MEI4: variants seen among roughly 807,000 people sequenced by gnomAD.
The protein encoded by MEI4 is meiotic double-stranded break formation protein 4.
A neutral mutation model predicts 31.4 loss-of-function variants in MEI4; 27 were observed. The ratio of observed to expected loss-of-function variants is 0.86; its 90% CI spans 0.63 to 1.19. MEI4 has a LOEUF of 1.19. Among genes scored for constraint, MEI4 ranks in the 50% most tolerant of loss-of-function variants. MEI4 has a pLI of 0.00. For synonymous variants in MEI4, 122 were observed against 145.4 expected (o/e 0.84, Z 1.16); for missense variants, 329 against 398.9 (o/e 0.82, Z 1.49).
At chr6:77,737,403 G>A (rs1199964610) in intron 2 of MEI4, among the ~76,000 whole-genome samples, 5 of 151,958 alleles carry the variant, frequency 3.3e-5, no homozygotes, top group African/African-American at 9.7e-5. Flanking sequence ...ATTTTTAGTT[G>A]TTCTGAAATA....
At chr6:77,742,218 C>A (rs891595906) in intron 2 of MEI4, among the ~76,000 whole-genome samples, 26 of 151,850 alleles carry the variant, frequency 1.7e-4, no homozygotes, top group African/African-American at 5.8e-4. Context: ...AAGGGTTGAA[C>A]TAGTTTACAG....
chr6:77,677,475 C>T (rs1768865956), intron 1 of MEI4, among the ~76,000 whole-genome samples: 1 of 152,180 alleles, frequency 6.6e-6, no homozygotes, highest in African/African-American at 2.4e-5. Flanking sequence ...TCTTTTCTTC[C>T]CTAGTATAGT....
At chr6:77,895,804 C>G (rs148893701) in intron 4 of MEI4, among the ~76,000 whole-genome samples, 42 of 152,180 alleles carry the variant, frequency 2.8e-4, no homozygotes, top group Non-Finnish European at 4.6e-4. Flanking sequence ...CAGACAGACA[C>G]GTAAAGTTTT....
chr6:77,701,161 T>C (rs1157132335), intron 2 of MEI4, among the ~76,000 whole-genome samples: 1 of 152,166 alleles, frequency 6.6e-6, no homozygotes, highest in Admixed American at 6.5e-5. Flanking sequence ...AATTTATTTT[T>C]ATTAATTTAT....
intron 2 of MEI4, among the ~76,000 whole-genome samples, chr6:77,753,039 G>A (rs999764968): frequency 1.3e-5 from 2 of 152,116 alleles, no homozygotes; most frequent in Non-Finnish European, 2.9e-5. Context: ...TGGGAAAACT[G>A]GCTAGCCATA....
At chr6:77,736,700 A>G (rs536468495) in intron 2 of MEI4, among the ~76,000 whole-genome samples, 4 of 152,164 alleles carry the variant, frequency 2.6e-5, no homozygotes, top group African/African-American at 9.7e-5. Context: ...CAATGTAGAA[A>G]ATACAGAAAG....
At chr6:77,837,367 C>T (rs2127713563) in intron 4 of MEI4, among the ~76,000 whole-genome samples, 1 of 152,178 alleles carries the variant, frequency 6.6e-6, no homozygotes, top group South Asian at 2.1e-4. Context: ...GTTAAATTAA[C>T]CAGGAGGATG....
chr6:77,883,979 A>G (rs747795574), intron 4 of MEI4, among the ~76,000 whole-genome samples: 5 of 151,662 alleles, frequency 3.3e-5, no homozygotes, highest in Non-Finnish European at 2.9e-5. Flanking sequence ...CCAGATTTAC[A>G]TTCCCTCCAG....
At chr6:77,841,334 T>TATATATATATATA (rs1554168570) in intron 4 of MEI4, among the ~76,000 whole-genome samples, 5 of 32,740 alleles carry the variant, frequency 1.5e-4, no homozygotes, top group Admixed American at 3.9e-4. Flanking sequence ...TATATATATA[T>TATATATATATATA]TTTTTTTTTT....
At chr6:77,760,082 G>A (rs1222582213) in intron 2 of MEI4, among the ~76,000 whole-genome samples, 1 of 152,074 alleles carries the variant, frequency 6.6e-6, no homozygotes, top group Non-Finnish European at 1.5e-5. Context: ...AAGAGTGACC[G>A]AGAGTAATTA....
chr6:77,651,147 G>C (rs917791264), upstream of MEI4, among the ~76,000 whole-genome samples: 3 of 152,196 alleles, frequency 2.0e-5, no homozygotes, highest in Non-Finnish European at 4.4e-5. Flanking sequence ...GGGCTTGAGG[G>C]AGAAGCTTCA....
chr6:77,906,086 A>G (rs780102795), intron 4 of MEI4, among the ~76,000 whole-genome samples: 91 of 151,988 alleles, frequency 6.0e-4, no homozygotes, highest in Non-Finnish European at 1.0e-3. Flanking sequence ...TGTTATCCCG[A>G]TTTCAATAAA....
At chr6:77,909,654 T>G (rs1229065376) in intron 4 of MEI4, among the ~76,000 whole-genome samples, 1 of 152,140 alleles carries the variant, frequency 6.6e-6, no homozygotes, top group Non-Finnish European at 1.5e-5. Flanking sequence ...TACCATTCTT[T>G]CTGAAACTAT....
intron 3 of MEI4, among the ~76,000 whole-genome samples, chr6:77,828,400 A>G (rs745907030): frequency 6.6e-6 from 1 of 152,026 alleles, no homozygotes; most frequent in Non-Finnish European, 1.5e-5. Context: ...TGCAAACCCT[A>G]TTGTGAACTG....
chr6:77,752,343 A>G (rs1767796056), intron 2 of MEI4, among the ~76,000 whole-genome samples: 1 of 152,218 alleles, frequency 6.6e-6, no homozygotes, highest in East Asian at 1.9e-4. Context: ...CTGTTTGCAG[A>G]TGACGTGATT....
intron 1 of MEI4, among the ~76,000 whole-genome samples, chr6:77,679,890 G>A (rs1768920332): frequency 6.6e-6 from 1 of 150,982 alleles, no homozygotes; most frequent in African/African-American, 2.4e-5. Context: ...ACAGGTATGC[G>A]CCACCATGGC....
intron 3 of MEI4, among the ~76,000 whole-genome samples, chr6:77,797,356 GT>G (rs1244216545): frequency 6.6e-6 from 1 of 152,262 alleles, no homozygotes; most frequent in East Asian, 1.9e-4. Flanking sequence ...AACCTAAAAT[GT>G]TTTGCACAGC....
At chr6:77,681,348 A>G (rs1768953951) in intron 1 of MEI4, among the ~76,000 whole-genome samples, 1 of 152,218 alleles carries the variant, frequency 6.6e-6, no homozygotes, top group Non-Finnish European at 1.5e-5. Context: ...GTACTCTACG[A>G]ACAATATATT....
chr6:77,756,537 C>CT (rs71697285), intron 2 of MEI4, among the ~76,000 whole-genome samples: 24 of 151,390 alleles, frequency 1.6e-4, no homozygotes, highest in Admixed American at 4.6e-4. Flanking sequence ...ATATTATTGG[C>CT]TTTTTTTTAG....
Sources: allele counts gnomAD v4.1 joint callset (sites outside exome capture counted in the v4.1 genomes callset), GRCh38; gene constraint gnomAD v4.1.1; transcripts MANE v1.5; gene names NCBI Gene and HGNC (gene_info 2026-07-23, HGNC 2026-07-21).